Variants in STARD13 observed in about 807,000 individuals in gnomAD.
STARD13 encodes the protein stAR-related lipid transfer protein 13.
STARD13 carries 62 observed loss-of-function variants against 106.4 expected under a neutral mutation model. That is an observed-to-expected ratio of 0.58 (90% CI 0.48 to 0.72). The LOEUF (loss-of-function observed/expected upper bound fraction) is 0.72, where lower values mean the gene tolerates loss of function less well. Among genes scored for constraint, STARD13 ranks in the 30% least tolerant of loss-of-function variants. The pLI, the probability that STARD13 is intolerant of heterozygous loss-of-function variation, is 0.00. For synonymous variants in STARD13, 565 were observed against 553.0 expected, an observed-to-expected ratio of 1.02 and a Z score of -0.31; for missense variants, 1,387 against 1,424.0, an observed-to-expected ratio of 0.97 and a Z score of 0.42.
chr13:33,305,298 G>A (rs1892864195), intron 1 of STARD13, among the ~76,000 whole-genome samples: 1 of 152,188 alleles, frequency 6.6e-6, no homozygotes, highest in Non-Finnish European at 1.5e-5. Flanking sequence ...AGCACACGAA[G>A]AACTGACAGA....
chr13:33,614,168 TAG>T, the STARD13 span, among the ~76,000 whole-genome samples: 1 of 152,138 alleles, frequency 6.6e-6, no homozygotes, highest in African/African-American at 2.4e-5. Context: ...CTTCCTGAGG[TAG>T]AGCCCTTGGC....
At chr13:33,475,723 C>G in the STARD13 span, among the ~76,000 whole-genome samples, 1 of 152,016 alleles carries the variant, frequency 6.6e-6, no homozygotes, top group Non-Finnish European at 1.5e-5. Flanking sequence ...TTTGGGAGGC[C>G]AAGGTGAGCA....
At chr13:33,231,344 C>T (rs7992154) in intron 1 of STARD13, among the ~76,000 whole-genome samples, 16,482 of 152,170 alleles carry the variant, frequency 0.11, 1,282 homozygotes, top group African/African-American at 0.22. Context: ...ACCAGGGAGA[C>T]GAGGCTCAGG....
In STARD13 at chr13:33,130,212, A is replaced by C. The variant is rs1158297090; in HGVS notation, c.465T>G (p.Arg155=). 6.2e-7 allele frequency: 1 copy of C among 1,611,674 alleles called. No individual in the cohort carries two copies. Among genetic ancestry groups the C allele is most frequent in the South Asian group, 1.1e-5 (1 of 91,044 alleles). The change falls in exon 5 of 14, where the codon CGT becomes CGG. Residue 155 remains arginine, a synonymous_variant. Coordinates refer to ENST00000336934, the MANE Select transcript of STARD13 (RefSeq NM_178006.4). The surrounding 1 kb of genome is among the most constrained non-coding windows in gnomAD (Gnocchi z 4.1). Reference sequence around the variant, plus strand: ...GGAGCAGCGTGTAGAGGTCGTCCACACGAGACCACCTGCGACTGGTTCTTT... The same window carrying C: ...GGAGCAGCGTGTAGAGGTCGTCCACCCGAGACCACCTGCGACTGGTTCTTT... ...TFQRTSRRWS[R]VDDLYTLLPR... is the part of the protein sequence containing the mutation.
chr13:33,161,944 C>A (rs1196028122), intron 3 of STARD13, among the ~76,000 whole-genome samples: 1 of 152,138 alleles, frequency 6.6e-6, no homozygotes, highest in East Asian at 1.9e-4. Flanking sequence ...TACACTACCA[C>A]AAGAACAGTA....
chr13:33,573,872 C>A, the STARD13 span, among the ~76,000 whole-genome samples: 1 of 152,016 alleles, frequency 6.6e-6, no homozygotes, highest in African/African-American at 2.4e-5. Context: ...ATTTAATTCC[C>A]AGAACAAATT....
intron 1 of STARD13, among the ~76,000 whole-genome samples, chr13:33,212,625 G>A (rs913925604): frequency 3.3e-5 from 5 of 152,100 alleles, no homozygotes; most frequent in East Asian, 1.9e-4. Flanking sequence ...TTTTCAAGTC[G>A]CAACTTGAGG....
At chr13:33,422,446 A>T in the STARD13 span, among the ~76,000 whole-genome samples, 2 of 152,226 alleles carry the variant, frequency 1.3e-5, no homozygotes, top group Non-Finnish European at 2.9e-5. Context: ...ATAAAAGAGG[A>T]CACAAGCAAA....
In STARD13 at chr13:33,227,304, T is replaced by G. The variant is rs527586990; in HGVS notation, c.169+58166A>C. Reference sequence around the variant, plus strand: ...ATCAGAATCTCAATGTCCTCATAGATAGCTAAAATACGATCCCAGGTAGTT... The same window carrying G: ...ATCAGAATCTCAATGTCCTCATAGAGAGCTAAAATACGATCCCAGGTAGTT... On this transcript the variant is annotated intron_variant, in intron 1 of 13. Coordinates refer to ENST00000336934, the MANE Select transcript of STARD13 (RefSeq NM_178006.4). Among the ~76,000 whole-genome samples, 5 of 152,366 alleles carry G rather than the reference T, an allele frequency of 3.3e-5. No individual in the cohort carries two copies. The South Asian group carries it at 1.0e-3, about 32-fold the overall frequency.
At chr13:33,553,325 A>T in the STARD13 span, among the ~76,000 whole-genome samples, 2 of 152,064 alleles carry the variant, frequency 1.3e-5, no homozygotes, top group African/African-American at 2.4e-5. Flanking sequence ...ACTCAGAAGT[A>T]GGCATCTTAT....
At chr13:33,410,577 C>A in the STARD13 span, among the ~76,000 whole-genome samples, 3 of 152,312 alleles carry the variant, frequency 2.0e-5, no homozygotes, top group East Asian at 3.9e-4. Context: ...TGACCTCTTG[C>A]CCCTTCCCTG....
At chr13:33,248,669 C>G (rs532033266) in intron 1 of STARD13, among the ~76,000 whole-genome samples, 1 of 152,092 alleles carries the variant, frequency 6.6e-6, no homozygotes, top group South Asian at 2.1e-4. Flanking sequence ...TTTGGTATTC[C>G]TCCCATTCCT....
At chr13:33,545,619 T>C in the STARD13 span, among the ~76,000 whole-genome samples, 1 of 152,236 alleles carries the variant, frequency 6.6e-6, no homozygotes, top group African/African-American at 2.4e-5. Flanking sequence ...GGAGATGTTT[T>C]CAGACATGGG....
chr13:33,499,028 C>T, the STARD13 span, among the ~76,000 whole-genome samples: 3 of 152,254 alleles, frequency 2.0e-5, no homozygotes, highest in South Asian at 6.2e-4. Context: ...ATCCCAGCTA[C>T]TCGGGTGGCT....
the STARD13 span, among the ~76,000 whole-genome samples, chr13:33,365,191 T>TG: frequency 6.6e-6 from 1 of 151,838 alleles, no homozygotes; most frequent in Non-Finnish European, 1.5e-5. Flanking sequence ...AAGAAAGGGA[T>TG]GCTGAAGGGA....
intron 1 of STARD13, among the ~76,000 whole-genome samples, chr13:33,245,454 G>GC (rs1375522592): frequency 1.3e-5 from 2 of 152,198 alleles, no homozygotes; most frequent in African/African-American, 4.8e-5. Flanking sequence ...ATCATTTGGG[G>GC]CCACATTCTG....
At chr13:33,439,722 C>A in the STARD13 span, 1 of 1,256,416 alleles carries the variant, frequency 8.0e-7, no homozygotes, top group Non-Finnish European at 1.0e-6. Context: ...TATCAGAGAG[C>A]ACCTGTAAAA....
At chr13:33,438,377 G>A in the STARD13 span, among the ~76,000 whole-genome samples, 1 of 152,152 alleles carries the variant, frequency 6.6e-6, no homozygotes, top group Non-Finnish European at 1.5e-5. Flanking sequence ...GAAGCACAGA[G>A]GGTTCTACTT....
chr13:33,121,378 C>T (rs1876270749), intron 7 of STARD13, among the ~76,000 whole-genome samples: 1 of 151,904 alleles, frequency 6.6e-6, no homozygotes, highest in Non-Finnish European at 1.5e-5. Context: ...ACCAGCCTGG[C>T]CAACATGGCA....
Sources: gnomAD v4.1 joint callset for allele counts (sites outside exome capture counted in the v4.1 genomes callset) on GRCh38, gnomAD v4.1.1 for gene constraint, Gnocchi (gnomAD v3.1) non-coding constraint, MANE v1.5 for transcripts, NCBI Gene and HGNC (gene_info 2026-07-23, HGNC 2026-07-21) for gene names.